FUT9: variants seen among roughly 807,000 people sequenced by gnomAD.
FUT9 encodes 4-galactosyl-N-acetylglucosaminide 3-alpha-L-fucosyltransferase 9.
Under a neutral mutation model 29.7 loss-of-function variants are expected in FUT9, and 15 were observed. The ratio of observed to expected loss-of-function variants is 0.51; its 90% CI spans 0.34 to 0.78. The LOEUF (loss-of-function observed/expected upper bound fraction) is 0.78, where lower values mean the gene tolerates loss of function less well. Ranked by LOEUF, FUT9 falls within the 30% of genes least tolerant of loss-of-function variation. The pLI, the probability that FUT9 is intolerant of heterozygous loss-of-function variation, is 0.01. For synonymous variants in FUT9, 169 were observed against 153.7 expected (o/e 1.10, Z -0.74); for missense variants, 319 against 425.4 (o/e 0.75, Z 2.20).
chr6:96,126,614 G>A (rs1772138643), intron 2 of FUT9, among the ~76,000 whole-genome samples: 1 of 152,214 alleles, frequency 6.6e-6, no homozygotes, highest in Non-Finnish European at 1.5e-5. Context: ...TGAGTTGTTA[G>A]ACTTCAGTGC....
chr6:96,102,735 T>C (rs556991660), intron 1 of FUT9, among the ~76,000 whole-genome samples: 1 of 152,318 alleles, frequency 6.6e-6, no homozygotes. Context: ...AATCTTAAGC[T>C]CCAGATGTAG....
intron 2 of FUT9, among the ~76,000 whole-genome samples, chr6:96,131,945 T>A (rs1772253022): frequency 6.6e-6 from 1 of 152,088 alleles, no homozygotes; most frequent in Admixed American, 6.6e-5. Context: ...CACAGTTCTA[T>A]GAAGAGGATA....
intron 2 of FUT9, among the ~76,000 whole-genome samples, chr6:96,181,605 A>G (rs988453325): frequency 6.8e-5 from 7 of 102,250 alleles, no homozygotes; most frequent in Admixed American, 2.1e-4. Context: ...TGAGTACCCA[A>G]AGTCCATTGT....
intron 2 of FUT9, among the ~76,000 whole-genome samples, chr6:96,158,651 G>A (rs1053443200): frequency 3.9e-5 from 6 of 152,030 alleles, no homozygotes; most frequent in African/African-American, 1.4e-4. Context: ...TTGTTTTAAT[G>A]ATCAAGTATT....
intron 2 of FUT9, among the ~76,000 whole-genome samples, chr6:96,140,406 C>T (rs530759335): frequency 3.3e-5 from 5 of 152,324 alleles, no homozygotes; most frequent in Admixed American, 2.6e-4. Flanking sequence ...ACTATTCCAA[C>T]CTCTGCCTGT....
chr6:96,131,044 G>A (rs148563745), intron 2 of FUT9, among the ~76,000 whole-genome samples: 2,626 of 152,210 alleles, frequency 0.017, 24 homozygotes, highest in Non-Finnish European at 0.023. Flanking sequence ...AAGATGGTGT[G>A]TATTTGTTAT....
intron 1 of FUT9, among the ~76,000 whole-genome samples, chr6:96,041,821 T>G (rs1770466276): frequency 6.6e-6 from 1 of 152,214 alleles, no homozygotes; most frequent in Admixed American, 6.5e-5. Context: ...TGTTACGGCC[T>G]AAACCTTTTA....
chr6:96,069,525 T>C (rs541673503), intron 1 of FUT9, among the ~76,000 whole-genome samples: 27 of 152,192 alleles, frequency 1.8e-4, no homozygotes, highest in South Asian at 6.2e-4. Context: ...AATTTAAAAA[T>C]CAATTTTAAA....
intron 2 of FUT9, among the ~76,000 whole-genome samples, chr6:96,138,760 T>G (rs1772407914): frequency 6.6e-6 from 1 of 152,202 alleles, no homozygotes; most frequent in Admixed American, 6.6e-5. Context: ...CAGATTTTTT[T>G]TAAGTATCTG....
At chr6:96,087,450 T>C (rs1008080237) in intron 1 of FUT9, among the ~76,000 whole-genome samples, 40 of 146,080 alleles carry the variant, frequency 2.7e-4, no homozygotes, top group Non-Finnish European at 4.5e-4. Context: ...CACTGCAACC[T>C]CTGCCTCCTG....
At chr6:96,077,213 C>G (rs1361496895) in intron 1 of FUT9, among the ~76,000 whole-genome samples, 1 of 152,056 alleles carries the variant, frequency 6.6e-6, no homozygotes, top group Non-Finnish European at 1.5e-5. Context: ...AGGATCCTCA[C>G]AGTTGCTCCC....
chr6:96,098,570 T>G (rs1771538700), intron 1 of FUT9, among the ~76,000 whole-genome samples: 1 of 152,194 alleles, frequency 6.6e-6, no homozygotes, highest in Non-Finnish European at 1.5e-5. Flanking sequence ...GTGAAGCTCT[T>G]TGGAAATTAC....
At chr6:96,179,906 A>T (rs1208448001) in intron 2 of FUT9, among the ~76,000 whole-genome samples, 4 of 152,158 alleles carry the variant, frequency 2.6e-5, no homozygotes, top group African/African-American at 9.6e-5. Flanking sequence ...AAAAGATGAG[A>T]CAAAATCAAG....
intron 1 of FUT9, among the ~76,000 whole-genome samples, chr6:96,023,720 C>A (rs1168537499): frequency 6.6e-6 from 1 of 151,910 alleles, no homozygotes; most frequent in African/African-American, 2.4e-5. Flanking sequence ...TGGTGATAAT[C>A]CATTCCAAGC....
intron 2 of FUT9, among the ~76,000 whole-genome samples, chr6:96,189,436 T>C (rs1486772106): frequency 6.6e-6 from 1 of 152,156 alleles, no homozygotes; most frequent in Non-Finnish European, 1.5e-5. Context: ...ATATGTGATC[T>C]GTGGTTTGAA....
intron 1 of FUT9, among the ~76,000 whole-genome samples, chr6:96,071,996 A>G (rs1771071705): frequency 6.6e-6 from 1 of 152,166 alleles, no homozygotes; most frequent in Non-Finnish European, 1.5e-5. Flanking sequence ...AATGCTCTCT[A>G]TGAATTATTC....
chr6:96,082,196 A>AT (rs1161481165), intron 1 of FUT9, among the ~76,000 whole-genome samples: 6 of 151,320 alleles, frequency 4.0e-5, no homozygotes, highest in South Asian at 2.1e-4. Context: ...TTGAGTTTGG[A>AT]TTTTTTTTAT....
chr6:96,022,943 G>A (rs1288993201), intron 1 of FUT9, among the ~76,000 whole-genome samples: 4 of 151,812 alleles, frequency 2.6e-5, no homozygotes, highest in Admixed American at 2.0e-4. Context: ...AGCTGCTTAC[G>A]TTTTCCTGGG....
chr6:96,071,536 C>T (rs1012249399), intron 1 of FUT9, among the ~76,000 whole-genome samples: 17 of 152,046 alleles, frequency 1.1e-4, no homozygotes, highest in African/African-American at 4.1e-4. Context: ...AATTGGTTTG[C>T]CCATGGCAAA....
Sources: allele counts gnomAD v4.1 joint callset (sites outside exome capture counted in the v4.1 genomes callset), GRCh38; gene constraint gnomAD v4.1.1; transcripts MANE v1.5; gene names NCBI Gene and HGNC (gene_info 2026-07-23, HGNC 2026-07-21).